The following CTNNA2 variants were observed in gnomAD, a reference collection of about 807,000 sequenced individuals.
CTNNA2 encodes the protein catenin alpha 2.
In CTNNA2, 42 loss-of-function variants were observed where a neutral mutation model predicts 101.0. The observed-to-expected ratio is 0.42, with a 90% CI of 0.32 to 0.54. The LOEUF (loss-of-function observed/expected upper bound fraction) is 0.54. CTNNA2 is among the 20% of genes least tolerant of loss of function. The pLI is 0.14. For missense variants in CTNNA2, 871 were observed against 1,223.1 expected, an observed-to-expected ratio of 0.71 and a Z score of 4.29; for synonymous variants, 450 against 456.4, an observed-to-expected ratio of 0.99 and a Z score of 0.18.
intron 6 of CTNNA2, among the ~76,000 whole-genome samples, chr2:79,882,632 G>A (rs72918634): frequency 0.031 from 4,789 of 152,328 alleles, 251 homozygotes; most frequent in African/African-American, 0.11. Flanking sequence ...AGGAAGCTTA[G>A]TGTGTTAGGC....
At chr2:80,121,495 T>C (rs1399340649) in intron 7 of CTNNA2, among the ~76,000 whole-genome samples, 1 of 152,112 alleles carries the variant, frequency 6.6e-6, no homozygotes, top group East Asian at 1.9e-4. Context: ...ATAACAATTA[T>C]ATTGGGAGGC....
chr2:79,530,873 A>C (rs1249557860), intron 1 of CTNNA2, among the ~76,000 whole-genome samples: 1 of 152,088 alleles, frequency 6.6e-6, no homozygotes, highest in Non-Finnish European at 1.5e-5. Context: ...AGCACAGAAC[A>C]CTCAGGATAG....
At chr2:79,545,951 A>C (rs1673705529) in intron 1 of CTNNA2, among the ~76,000 whole-genome samples, 1 of 152,178 alleles carries the variant, frequency 6.6e-6, no homozygotes, top group African/African-American at 2.4e-5. Flanking sequence ...AGTAAGTACT[A>C]CTATTATCTC....
At chr2:80,533,390 T>G (rs1690707915) in intron 9 of CTNNA2, among the ~76,000 whole-genome samples, 1 of 152,210 alleles carries the variant, frequency 6.6e-6, no homozygotes, top group Non-Finnish European at 1.5e-5. Context: ...TTTTCCTTAT[T>G]CTGTGTGAAG....
intron 2 of CTNNA2, among the ~76,000 whole-genome samples, chr2:79,264,043 G>C (rs374365832): frequency 3.0e-4 from 46 of 152,300 alleles, no homozygotes; most frequent in African/African-American, 1.0e-3. Flanking sequence ...TTGAAGATTA[G>C]CCAGGCAAAT....
chr2:80,356,746 C>T (rs758685700), intron 7 of CTNNA2, among the ~76,000 whole-genome samples: 5 of 152,120 alleles, frequency 3.3e-5, no homozygotes, highest in African/African-American at 4.8e-5. Context: ...GTATTTTTGT[C>T]GACACCATTC....
intron 3 of CTNNA2, among the ~76,000 whole-genome samples, chr2:79,348,903 T>C (rs1036057293): frequency 6.6e-6 from 1 of 152,206 alleles, no homozygotes; most frequent in Non-Finnish European, 1.5e-5. Context: ...GTTCATTGCA[T>C]TTATCTCTGC....
chr2:80,638,789 A>G (rs1673137179), intron 18 of CTNNA2, among the ~76,000 whole-genome samples: 1 of 152,250 alleles, frequency 6.6e-6, no homozygotes, highest in African/African-American at 2.4e-5. Flanking sequence ...ACTATGAAGC[A>G]CTACTACCTA....
At chr2:80,593,806 C>T (rs1053499826) in intron 15 of CTNNA2, among the ~76,000 whole-genome samples, 11 of 152,244 alleles carry the variant, frequency 7.2e-5, no homozygotes, top group East Asian at 1.9e-4. Flanking sequence ...TACTCAAATG[C>T]GTTTCCTTTT....
intron 7 of CTNNA2, among the ~76,000 whole-genome samples, chr2:80,210,148 T>G (rs1012153526): frequency 6.6e-6 from 1 of 152,202 alleles, no homozygotes; most frequent in Non-Finnish European, 1.5e-5. Flanking sequence ...TTAGATAACT[T>G]TAGGGTTTCC....
intron 15 of CTNNA2, among the ~76,000 whole-genome samples, chr2:80,591,457 GTT>G (rs567131551): frequency 0.11 from 7,916 of 70,080 alleles, 301 homozygotes; most frequent in Middle Eastern, 0.18. Context: ...TGCACAGCCT[GTT>G]TTTTTTTTTT....
At chr2:79,598,019 G>A (rs950791065) in intron 1 of CTNNA2, among the ~76,000 whole-genome samples, 4 of 152,216 alleles carry the variant, frequency 2.6e-5, no homozygotes, top group Admixed American at 6.5e-5. Context: ...ACTTAGAATC[G>A]TATGGAATGT....
chr2:80,643,144 G>T (rs968009619), intron 18 of CTNNA2, among the ~76,000 whole-genome samples: 1 of 152,118 alleles, frequency 6.6e-6, no homozygotes, highest in Non-Finnish European at 1.5e-5. Context: ...GTTAGGGACA[G>T]CAGATACCTA....
intron 7 of CTNNA2, among the ~76,000 whole-genome samples, chr2:80,295,238 T>TG (rs1209721791): frequency 3.9e-5 from 6 of 151,982 alleles, no homozygotes; most frequent in Non-Finnish European, 7.4e-5. Context: ...TTTTTTTTTT[T>TG]TGTGGGTAGG....
At chr2:79,776,198 C>A (rs1443549461) in intron 3 of CTNNA2, among the ~76,000 whole-genome samples, 1 of 152,128 alleles carries the variant, frequency 6.6e-6, no homozygotes, top group Non-Finnish European at 1.5e-5. Context: ...TTGAACACGG[C>A]TTTTGTTTAT....
At chr2:80,392,042 G>A (rs1225602302) in intron 7 of CTNNA2, among the ~76,000 whole-genome samples, 1 of 152,210 alleles carries the variant, frequency 6.6e-6, no homozygotes, top group African/African-American at 2.4e-5. Context: ...GCAGAGAAGA[G>A]TGACTACTTT....
At chr2:80,349,414 T>C (rs1673078487) in intron 7 of CTNNA2, among the ~76,000 whole-genome samples, 1 of 152,126 alleles carries the variant, frequency 6.6e-6, no homozygotes, top group African/African-American at 2.4e-5. Flanking sequence ...CATAAACTAT[T>C]CTAAACTTGA....
intron 4 of CTNNA2, among the ~76,000 whole-genome samples, chr2:79,452,453 A>T (rs1239260695): frequency 3.9e-5 from 6 of 152,008 alleles, no homozygotes; most frequent in Non-Finnish European, 8.8e-5. Flanking sequence ...CACATTGGTG[A>T]AATATAACCG....
At chr2:79,620,011 T>A (rs1180351491) in intron 1 of CTNNA2, among the ~76,000 whole-genome samples, 1 of 152,196 alleles carries the variant, frequency 6.6e-6, no homozygotes, top group Admixed American at 6.5e-5. Flanking sequence ...TGTGACTTTT[T>A]CTTATTAAGC....
Sources: gnomAD v4.1 joint callset for allele counts (sites outside exome capture counted in the v4.1 genomes callset) on GRCh38, gnomAD v4.1.1 for gene constraint, MANE v1.5 for transcripts, NCBI Gene and HGNC (gene_info 2026-07-23, HGNC 2026-07-21) for gene names.